Variants in TMEM182 observed in about 807,000 individuals in gnomAD.
TMEM182 encodes the protein transmembrane protein 182.
In TMEM182, 20 loss-of-function variants were observed where a neutral mutation model predicts 26.8. That is an observed-to-expected ratio of 0.75 (90% CI 0.53 to 1.09). The LOEUF is 1.09. TMEM182 is among the 50% of genes least tolerant of loss of function. The pLI, the probability that TMEM182 is intolerant of heterozygous loss-of-function variation, is 0.00. For synonymous variants in TMEM182, 109 were observed against 102.2 expected, an observed-to-expected ratio of 1.07 and a Z score of -0.40; for missense variants, 277 against 275.5, an observed-to-expected ratio of 1.01 and a Z score of -0.04.
At chr2:102,819,812 A>G (rs1004119743), downstream of TMEM182, among the ~76,000 whole-genome samples, 3 of 152,164 alleles carry the variant, frequency 2.0e-5, no homozygotes, top group Non-Finnish European at 4.4e-5. Flanking sequence ...TCTTTCTGCT[A>G]TTGCATGCTT....
intron 4 of TMEM182, among the ~76,000 whole-genome samples, chr2:102,800,241 G>A (rs1366633963): frequency 6.6e-6 from 1 of 152,040 alleles, no homozygotes; most frequent in Non-Finnish European, 1.5e-5. Flanking sequence ...ACCACTATCT[G>A]ACTTCAGAAT....
intron 3 of TMEM182, among the ~76,000 whole-genome samples, chr2:102,778,125 T>C (rs917721427): frequency 1.3e-5 from 2 of 152,068 alleles, no homozygotes; most frequent in East Asian, 1.9e-4. Context: ...CCAGTTAAAA[T>C]TGTGGATTTG....
intron 3 of TMEM182, among the ~76,000 whole-genome samples, chr2:102,791,828 C>T (rs1558774379): frequency 6.6e-6 from 1 of 152,058 alleles, no homozygotes; most frequent in South Asian, 2.1e-4. Context: ...CTACTAGGCA[C>T]AGTCCAAAAT....
Position 102,816,338 on chromosome 2 carries a change from T to C in TMEM182, c.*1370T>C, listed in dbSNP as rs1682746955. ...AAAAGTCACCACCCAGAAGATGCTC[T>C]GGGATAGAGGAACTGCTCCTTTTCA... On this transcript the variant is annotated 3_prime_UTR_variant, in exon 5 of 5. Coordinates refer to ENST00000412401, the MANE Select transcript of TMEM182 (RefSeq NM_144632.5). The C allele has an allele frequency of 5.1e-6, 5 of 985,234 alleles. No homozygotes were observed. The highest frequency in any genetic ancestry group is 5.2e-4 in the Middle Eastern group (1 of 1,914). The allele number at this position is 985,234 out of a possible 1,614,324, so 61.0% of individuals were successfully genotyped here. A position where few individuals can be genotyped will look rare whatever the true frequency, so the allele number is the denominator to read the frequency against.
rs1683278577 is a variant in TMEM182, at chr2:102,838,036, A to G, written c.326-5376A>G. 2.0e-5 allele frequency among the ~76,000 whole-genome samples: 3 copies of G among 152,240 alleles called. No homozygotes were observed. In the South Asian group the frequency reaches 6.2e-4, roughly 31 times the overall value. On this transcript the variant is annotated intron_variant, in intron 3 of 3. Coordinates refer to the TMEM182 transcript ENST00000486293. ...GCGCCAGGCCCTGTGTGACTGCCCAAGGTAACCCTACCCCGGAAGCTGGCC... is the reference window on the plus strand; with the variant it reads ...GCGCCAGGCCCTGTGTGACTGCCCAGGGTAACCCTACCCCGGAAGCTGGCC...
At chr2:102,742,199 A>G (rs1209012659) in intron 1 of TMEM182, among the ~76,000 whole-genome samples, 1 of 152,210 alleles carries the variant, frequency 6.6e-6, no homozygotes, top group Non-Finnish European at 1.5e-5. Flanking sequence ...GAAAGAATCA[A>G]AAGAAAATTA....
chr2:102,784,159 G>T (rs1027242011), intron 3 of TMEM182, among the ~76,000 whole-genome samples: 1 of 152,030 alleles, frequency 6.6e-6, no homozygotes. Flanking sequence ...GAAACTTTTT[G>T]TACCTCTCCC....
At chr2:102,782,681 C>T (rs968637945) in intron 3 of TMEM182, among the ~76,000 whole-genome samples, 1 of 152,078 alleles carries the variant, frequency 6.6e-6, no homozygotes, top group Admixed American at 6.5e-5. Context: ...TTTTCATAGT[C>T]AACTTTAGAA....
chr2:102,748,208 A>G (rs900321102), intron 1 of TMEM182, among the ~76,000 whole-genome samples: 4 of 152,254 alleles, frequency 2.6e-5, no homozygotes, highest in Admixed American at 2.6e-4. Context: ...TCTAATGCCA[A>G]GGAAAATGGG....
In TMEM182 at chr2:102,814,877, C is replaced by A. The variant is rs1245416658; in HGVS notation, c.599C>A (p.Ser200Ter). 2.5e-6 allele frequency: 4 copies of A among 1,613,918 alleles called. No homozygotes were observed. Among genetic ancestry groups the A allele is most frequent in the Non-Finnish European group, 3.4e-6 (4 of 1,179,972 alleles). ...DFTPSVLYGWSFFLAPAGIFF... is the reference protein window; with the variant it reads ...DFTPSVLYGW ...ACCCCTTCTGTTCTGTATGGCTGGT[C>A]ATTTTTCCTGGCCCCAGCTGGGATA... The change falls in exon 5 of 5, where the codon TCA (serine) becomes TAA (stop). Residue 200 changes from serine (S) to a stop codon, truncating the protein, a stop_gained. Transcript: ENST00000412401. LOFTEE classifies it high-confidence loss of function.
intron 3 of TMEM182, among the ~76,000 whole-genome samples, chr2:102,774,013 G>C (rs1482878163): frequency 2.6e-5 from 4 of 151,788 alleles, no homozygotes; most frequent in Admixed American, 1.3e-4. Flanking sequence ...TTTCATTTTA[G>C]AAATTTTTAA....
At chr2:102,841,037 T>G (rs990938509) in intron 3 of TMEM182, among the ~76,000 whole-genome samples, 1 of 152,078 alleles carries the variant, frequency 6.6e-6, no homozygotes, top group Non-Finnish European at 1.5e-5. Context: ...ACTTTGTTCC[T>G]AAGTGCAGGA....
intron 3 of TMEM182, among the ~76,000 whole-genome samples, chr2:102,793,599 CAT>C (rs1681739192): frequency 6.6e-6 from 1 of 152,158 alleles, no homozygotes; most frequent in Non-Finnish European, 1.5e-5. Flanking sequence ...ATAGTATTTG[CAT>C]ATAACTTATG....
chr2:102,769,740 A>C (rs1383141541), intron 3 of TMEM182, among the ~76,000 whole-genome samples: 2 of 152,216 alleles, frequency 1.3e-5, no homozygotes, highest in Non-Finnish European at 2.9e-5. Context: ...TATAGGAATA[A>C]GTTTTCTTTG....
intron 3 of TMEM182, among the ~76,000 whole-genome samples, chr2:102,830,008 G>A (rs933056659): frequency 1.8e-4 from 27 of 152,166 alleles, no homozygotes; most frequent in African/African-American, 4.6e-4. Context: ...AAGTGTGTTC[G>A]TATTGCTTGT....
At chr2:102,827,302 G>A (rs1683052157) in intron 3 of TMEM182, among the ~76,000 whole-genome samples, 1 of 152,188 alleles carries the variant, frequency 6.6e-6, no homozygotes, top group Non-Finnish European at 1.5e-5. Flanking sequence ...TGCTCACAAT[G>A]CAGGGGAAAT....
chr2:102,823,823 A>T (rs571961281), intron 3 of TMEM182, among the ~76,000 whole-genome samples: 1 of 152,368 alleles, frequency 6.6e-6, no homozygotes, highest in African/African-American at 2.4e-5. Flanking sequence ...ATCTGGAAGA[A>T]TCCCAGTGAC....
intron 3 of TMEM182, chr2:102,775,216 A>T: frequency 6.6e-6 from 1 of 152,182 alleles, no homozygotes. Flanking sequence ...CATCCCTGGG[A>T]TGCAAGGCTG....
intron 3 of TMEM182, among the ~76,000 whole-genome samples, chr2:102,771,664 G>T (rs1347475026): frequency 6.6e-6 from 1 of 152,008 alleles, no homozygotes. Flanking sequence ...CAAAGGACAG[G>T]CTTCCACCTC....
Sources: allele counts gnomAD v4.1 joint callset (sites outside exome capture counted in the v4.1 genomes callset), GRCh38; gene constraint gnomAD v4.1.1; transcripts MANE v1.5; gene names NCBI Gene and HGNC (gene_info 2026-07-23, HGNC 2026-07-21).